The following ELAPOR2 variants were observed in gnomAD, a reference collection of about 807,000 sequenced individuals.
The protein encoded by ELAPOR2 is endosome-lysosome associated apoptosis and autophagy regulator family member 2.
Under a neutral mutation model 120.7 loss-of-function variants are expected in ELAPOR2, and 89 were observed. That is an observed-to-expected ratio of 0.74 (90% CI 0.62 to 0.88). The LOEUF is 0.88. Among genes scored for constraint, ELAPOR2 ranks in the 40% least tolerant of loss-of-function variants. ELAPOR2 has a pLI of 0.00. For missense variants in ELAPOR2, 1,134 were observed against 1,251.6 expected, an observed-to-expected ratio of 0.91 and a Z score of 1.42; for synonymous variants, 444 against 444.9, an observed-to-expected ratio of 1.00 and a Z score of 0.03.
At chr7:86,985,482 C>T (rs1202821744) in intron 1 of ELAPOR2, among the ~76,000 whole-genome samples, 1 of 152,152 alleles carries the variant, frequency 6.6e-6, no homozygotes, top group African/African-American at 2.4e-5. Context: ...CATCAAAAAG[C>T]TTATCCACCA....
At position 86,879,158 on chromosome 7, in the gene ELAPOR2, G is replaced by T. The variant is rs898817565; in HGVS notation, c.*1313C>A. 4.6e-5 allele frequency: 7 copies of T among 152,164 alleles called. No homozygotes were observed. Among genetic ancestry groups the T allele is most frequent in the African/African-American group, 1.7e-4 (7 of 41,538 alleles). 9.4% of individuals were successfully genotyped at this position (152,164 alleles called of 1,614,324 possible). A position where few individuals can be genotyped will look rare whatever the true frequency, so the allele number is the denominator to read the frequency against. Reference sequence around the variant, plus strand: ...ATTGGAAACAAATAAGAGCACCTTAGATCAGCAATGGCCAGGAAACCCCCC... The same window carrying T: ...ATTGGAAACAAATAAGAGCACCTTATATCAGCAATGGCCAGGAAACCCCCC... On this transcript the variant is annotated 3_prime_UTR_variant, in exon 22 of 22. Transcript: ENST00000450689.
At chr7:87,001,584 C>G (rs1424982729) in intron 1 of ELAPOR2, among the ~76,000 whole-genome samples, 2 of 152,086 alleles carry the variant, frequency 1.3e-5, no homozygotes, top group Admixed American at 6.6e-5. Context: ...CAAGTAGGAT[C>G]TCTGAGCCCT....
chr7:86,988,364 T>G (rs1792829942), intron 1 of ELAPOR2, among the ~76,000 whole-genome samples: 1 of 145,810 alleles, frequency 6.9e-6, no homozygotes, highest in Non-Finnish European at 1.5e-5. Flanking sequence ...GGAAAAAAAT[T>G]AAAAATAACA....
intron 1 of ELAPOR2, among the ~76,000 whole-genome samples, chr7:87,013,115 G>A (rs539395860): frequency 2.2e-4 from 33 of 152,204 alleles, no homozygotes; most frequent in African/African-American, 7.7e-4. Context: ...ACAAAATGAA[G>A]ATAATATACC....
rs137995124 is a variant in ELAPOR2 at position 86,927,920 on chromosome 7, AG to A, written c.1090-1005del. On this transcript the variant is annotated intron_variant, in intron 8 of 21. Transcript: ENST00000450689. ...TCTGCAATAGGAAGTCTGCTATTAA[AG>A]CTGGGGAATCAAAATTAAAGGCGAT... Among the ~76,000 whole-genome samples the A allele has an allele frequency of 5.5e-3, 831 of 152,150 alleles. 22 individuals carry two copies. The East Asian group carries it at 0.065, about 12-fold the overall frequency.
At chr7:87,028,727 A>C (rs1164251513) in intron 1 of ELAPOR2, among the ~76,000 whole-genome samples, 5 of 152,156 alleles carry the variant, frequency 3.3e-5, no homozygotes. Context: ...ATCACATCAG[A>C]TTACATCTGT....
Position 87,001,845 on chromosome 7 carries a change from A to C in ELAPOR2, c.190-36821T>G, listed in dbSNP as rs758083342. Among the ~76,000 whole-genome samples the C allele has an allele frequency of 5.3e-5, 8 of 152,220 alleles. No homozygotes were observed. The South Asian group carries it at 8.3e-4, about 16-fold the overall frequency. On this transcript the variant is annotated intron_variant, in intron 1 of 21. Transcript: ENST00000450689. ...AAATTTAAATTTGCAAAGCAGACTA[A>C]ATTTATCTTTATGTTCTGAAGTTAG...
At chr7:87,048,137 G>A (rs1795007085) in intron 1 of ELAPOR2, among the ~76,000 whole-genome samples, 2 of 151,970 alleles carry the variant, frequency 1.3e-5, no homozygotes, top group African/African-American at 2.4e-5. Flanking sequence ...CCAGCTACTC[G>A]GGAAGCTGAG....
intron 21 of ELAPOR2, among the ~76,000 whole-genome samples, chr7:86,886,377 G>A (rs1799689091): frequency 6.6e-6 from 1 of 151,950 alleles, no homozygotes; most frequent in Admixed American, 6.6e-5. Context: ...TGTCCAGAAA[G>A]CTGGGGCACA....
rs1487427984 is a variant in ELAPOR2, at chr7:86,912,202, T to C, written c.2039A>G (p.Lys680Arg). 6 of 1,607,538 alleles carry C rather than the reference T, an allele frequency of 3.7e-6. No homozygotes were observed. The highest frequency in any genetic ancestry group is 4.3e-6 in the Non-Finnish European group (5 of 1,174,740). The part of the protein sequence containing the change: ...CYSDCFFYHE[K>R]ENQSLHYDFS... The stretch of plus-strand genomic sequence containing the variant: ...GTCATAGTGCAAACTCTGATTTTCT[T>C]TTTCATGGTAGAAAAAGCAGTCACT... Residue 680 changes from lysine (K) to arginine (R), a missense_variant, in exon 15 of 22, where the codon AAA (lysine) becomes AGA (arginine). This residue lies in a region of ELAPOR2 where 831 missense variants were observed against 867.6 expected (regional missense o/e 0.96). Transcript: ENST00000450689.
intron 1 of ELAPOR2, among the ~76,000 whole-genome samples, chr7:86,968,829 T>C (rs1286611572): frequency 2.6e-5 from 4 of 152,044 alleles, no homozygotes; most frequent in Non-Finnish European, 5.9e-5. Flanking sequence ...CAAGCCACAC[T>C]CTCCAAATTA....
chr7:86,885,105 G>A (rs978912813), intron 21 of ELAPOR2, among the ~76,000 whole-genome samples: 1 of 152,168 alleles, frequency 6.6e-6, no homozygotes, highest in Non-Finnish European at 1.5e-5. Context: ...GTATGGTCAG[G>A]TCTACCTGGA....
In ELAPOR2 at chr7:86,967,643, A is replaced by T. The variant is rs114707607; in HGVS notation, c.190-2619T>A. Among the ~76,000 whole-genome samples the T allele has an allele frequency of 3.0e-3, 464 of 152,282 alleles. 3 individuals carry two copies. Among genetic ancestry groups the T allele is most frequent in the African/African-American group, 0.011 (448 of 41,568 alleles). Reference sequence around the variant, plus strand: ...GGTAAGCTCCAAAAAACTTTCCTCCATCACTGCCTCTGTTATTCAGCCTGC... The same window carrying T: ...GGTAAGCTCCAAAAAACTTTCCTCCTTCACTGCCTCTGTTATTCAGCCTGC... On this transcript the variant is annotated intron_variant, in intron 1 of 21. Coordinates refer to ENST00000450689, the MANE Select transcript of ELAPOR2 (RefSeq NM_001142749.3).
intron 1 of ELAPOR2, among the ~76,000 whole-genome samples, chr7:86,997,962 G>A (rs2116620711): frequency 6.6e-6 from 1 of 152,132 alleles, no homozygotes; most frequent in Non-Finnish European, 1.5e-5. Context: ...CAAATTAGAG[G>A]GTAGCCAGAC....
intron 21 of ELAPOR2, among the ~76,000 whole-genome samples, chr7:86,883,096 G>T (rs946808397): frequency 7.9e-5 from 12 of 151,540 alleles, no homozygotes; most frequent in African/African-American, 2.7e-4. Flanking sequence ...ATTCTAGTTG[G>T]TGTCTGAGTT....
chr7:86,953,755 T>G (rs1271284492), intron 2 of ELAPOR2, among the ~76,000 whole-genome samples: 2 of 152,192 alleles, frequency 1.3e-5, no homozygotes, highest in Non-Finnish European at 2.9e-5. Context: ...GAAACTGAAT[T>G]AAAGATAGGC....
rs185386597 is a variant in ELAPOR2 at position 86,913,034 on chromosome 7, G to A, written c.1902C>T (p.Cys634=). ...GGTAGGTGTCAGGTGGACATTCCTT[G>A]CACTGGTTGGTTTCTTTCTCAATGT... ...GHYIEKETNQ[C]KECPPDTYLS... The change falls in exon 14 of 22, where the codon TGC becomes TGT. Residue 634 remains cysteine (C), a synonymous_variant. Transcript: ENST00000450689. 6.2e-7 allele frequency: 1 copy of A among 1,614,068 alleles called. No individual in the cohort carries two copies. The highest frequency in any genetic ancestry group is 1.1e-5 in the South Asian group (1 of 91,080).
chr7:86,985,356 T>C (rs1792685931), intron 1 of ELAPOR2, among the ~76,000 whole-genome samples: 1 of 152,160 alleles, frequency 6.6e-6, no homozygotes, highest in East Asian at 1.9e-4. Flanking sequence ...GCCAGCATCA[T>C]CCAGATACCA....
At chr7:86,967,532 T>A (rs939364191) in intron 1 of ELAPOR2, among the ~76,000 whole-genome samples, 3 of 152,188 alleles carry the variant, frequency 2.0e-5, no homozygotes, top group Non-Finnish European at 4.4e-5. Flanking sequence ...TATATAAAAT[T>A]TAGGTGATTT....
Sources: allele counts gnomAD v4.1 joint callset (sites outside exome capture counted in the v4.1 genomes callset), GRCh38; gene constraint gnomAD v4.1.1; regional missense constraint gnomAD v4.1.1; transcripts MANE v1.5; gene names NCBI Gene and HGNC (gene_info 2026-07-23, HGNC 2026-07-21).